The following SEMA5A variants were observed in gnomAD, a reference collection of about 807,000 sequenced individuals.
SEMA5A encodes the protein semaphorin-5A.
In SEMA5A, 55 loss-of-function variants were observed where a neutral mutation model predicts 135.5. The observed-to-expected ratio is 0.41, with a 90% CI of 0.33 to 0.51. The LOEUF (loss-of-function observed/expected upper bound fraction) is 0.51. SEMA5A is among the 20% of genes least tolerant of loss of function. The pLI is 0.37. For synonymous variants in SEMA5A, 580 were observed against 546.5 expected, an observed-to-expected ratio of 1.06 and a Z score of -0.85; for missense variants, 1,290 against 1,419.9, an observed-to-expected ratio of 0.91 and a Z score of 1.47.
rs182594284 is a variant in SEMA5A, at chr5:9,332,970, G to C, written c.224+4743C>G. Among the ~76,000 whole-genome samples, 111 of 152,310 alleles carry C rather than the reference G, an allele frequency of 7.3e-4. 2 individuals carry two copies. Among genetic ancestry groups the C allele is most frequent in the Non-Finnish European group, 2.1e-4 (14 of 68,034 alleles). On this transcript the variant is annotated intron_variant, in intron 4 of 22. Coordinates refer to ENST00000382496, the MANE Select transcript of SEMA5A (RefSeq NM_003966.3). ...ACAGGTATTTGTTTGAGAGCTTACA[G>C]ACGAACTTTCTTACTAAAATACCAC...
chr5:9,374,638 T>C (rs985402236), intron 3 of SEMA5A, among the ~76,000 whole-genome samples: 10 of 151,992 alleles, frequency 6.6e-5, no homozygotes, highest in Non-Finnish European at 1.5e-4. Context: ...TGTGTGTGTG[T>C]GTGTGTGTGT....
At chr5:9,055,023 T>C (rs1352380143) in intron 18 of SEMA5A, among the ~76,000 whole-genome samples, 1 of 152,236 alleles carries the variant, frequency 6.6e-6, no homozygotes, top group African/African-American at 2.4e-5. Context: ...TGTCTCTGCC[T>C]GCTCAAGTTA....
At chr5:9,494,781 T>C (rs1044701433) in intron 1 of SEMA5A, among the ~76,000 whole-genome samples, 14 of 152,148 alleles carry the variant, frequency 9.2e-5, no homozygotes, top group African/African-American at 2.4e-5. Flanking sequence ...ATACCATGGG[T>C]TAAATTTAGA....
At chr5:9,302,322 T>C (rs1478796080) in intron 5 of SEMA5A, among the ~76,000 whole-genome samples, 5 of 151,960 alleles carry the variant, frequency 3.3e-5, no homozygotes, top group East Asian at 1.9e-4. Flanking sequence ...TCACAGGGAG[T>C]AGAGTCCTGG....
chr5:9,298,685 C>T (rs947926219), intron 5 of SEMA5A, among the ~76,000 whole-genome samples: 1 of 152,110 alleles, frequency 6.6e-6, no homozygotes, highest in African/African-American at 2.4e-5. Context: ...TCAGTTCTGT[C>T]TTTGACATAG....
chr5:9,092,419 A>G (rs1489269708), intron 16 of SEMA5A, among the ~76,000 whole-genome samples: 1 of 152,232 alleles, frequency 6.6e-6, no homozygotes, highest in East Asian at 1.9e-4. Context: ...CATGTGCTCA[A>G]TCAATTCTTG....
chr5:9,271,327 T>C (rs948387255), intron 5 of SEMA5A, among the ~76,000 whole-genome samples: 1 of 152,170 alleles, frequency 6.6e-6, no homozygotes, highest in Non-Finnish European at 1.5e-5. Context: ...CTTTTCTTCA[T>C]AAATTACCCA....
At chr5:9,305,728 T>TATATACATATATA (rs1287444762) in intron 5 of SEMA5A, among the ~76,000 whole-genome samples, 1 of 95,000 alleles carries the variant, frequency 1.1e-5, no homozygotes, top group Non-Finnish European at 2.3e-5. Context: ...ATATATATAT[T>TATATACATATATA]TACACGCACA....
At chr5:9,539,307 T>G (rs1156794542) in intron 1 of SEMA5A, among the ~76,000 whole-genome samples, 2 of 152,262 alleles carry the variant, frequency 1.3e-5, no homozygotes, top group Non-Finnish European at 2.9e-5. Flanking sequence ...GTTTTATTGC[T>G]GAATAGTAGC....
intron 12 of SEMA5A, among the ~76,000 whole-genome samples, chr5:9,139,425 G>C (rs2150226508): frequency 6.6e-6 from 1 of 152,252 alleles, no homozygotes; most frequent in African/African-American, 2.4e-5. Context: ...CTCACCCAAA[G>C]GGTGAGTCTT....
At chr5:9,075,090 G>A (rs1025780646) in intron 16 of SEMA5A, among the ~76,000 whole-genome samples, 11 of 152,024 alleles carry the variant, frequency 7.2e-5, no homozygotes, top group African/African-American at 2.2e-4. Context: ...CAATAGAAAT[G>A]TTTTGAAAAA....
chr5:9,511,002 C>T (rs149840502), intron 1 of SEMA5A, among the ~76,000 whole-genome samples: 9 of 152,236 alleles, frequency 5.9e-5, no homozygotes, highest in Non-Finnish European at 1.0e-4. Context: ...TTCAAATTTT[C>T]GTTTGCATCT....
chr5:9,251,624 G>C (rs935230227), intron 5 of SEMA5A, among the ~76,000 whole-genome samples: 1 of 152,180 alleles, frequency 6.6e-6, no homozygotes, highest in African/African-American at 2.4e-5. Context: ...ACGGCAGAAA[G>C]CCATCAATCA....
At chr5:9,488,677 G>A (rs1734851481) in intron 1 of SEMA5A, among the ~76,000 whole-genome samples, 1 of 152,106 alleles carries the variant, frequency 6.6e-6, no homozygotes, top group African/African-American at 2.4e-5. Context: ...CAGCCCTTGT[G>A]TGTTCCCAGA....
At chr5:9,103,529 C>T (rs879928152) in intron 16 of SEMA5A, among the ~76,000 whole-genome samples, 4 of 152,070 alleles carry the variant, frequency 2.6e-5, no homozygotes, top group African/African-American at 4.8e-5. Flanking sequence ...TCTTTTGTAT[C>T]TAGGAAATAA....
At chr5:9,108,808 C>A (rs1740067005) in intron 15 of SEMA5A, among the ~76,000 whole-genome samples, 1 of 152,138 alleles carries the variant, frequency 6.6e-6, no homozygotes, top group Admixed American at 6.5e-5. Flanking sequence ...ACTGCTTAAG[C>A]TATTCTACTT....
intron 6 of SEMA5A, among the ~76,000 whole-genome samples, chr5:9,234,898 G>A (rs904716805): frequency 1.3e-5 from 2 of 152,014 alleles, no homozygotes; most frequent in East Asian, 3.9e-4. Context: ...GTGAATCGAG[G>A]GTATATTACC....
At chr5:9,187,482 G>T (rs182966801) in intron 11 of SEMA5A, among the ~76,000 whole-genome samples, 86 of 152,292 alleles carry the variant, frequency 5.6e-4, no homozygotes, top group Non-Finnish European at 8.2e-4. Flanking sequence ...AGCAGGGTTT[G>T]TGTTGGGCCC....
intron 11 of SEMA5A, among the ~76,000 whole-genome samples, chr5:9,176,099 C>A (rs1390098529): frequency 6.6e-6 from 1 of 152,118 alleles, no homozygotes; most frequent in East Asian, 1.9e-4. Context: ...TAAAAGATTA[C>A]AAATAAGTTA....
Sources: allele counts gnomAD v4.1 joint callset (sites outside exome capture counted in the v4.1 genomes callset), GRCh38; gene constraint gnomAD v4.1.1; transcripts MANE v1.5; gene names NCBI Gene and HGNC (gene_info 2026-07-23, HGNC 2026-07-21).